The following KIF21B variants were observed in gnomAD, a reference collection of about 807,000 sequenced individuals.
KIF21B encodes the protein kinesin family member 21B.
In KIF21B, 85 loss-of-function variants were observed where a neutral mutation model predicts 192.9. The ratio of observed to expected loss-of-function variants is 0.44; its 90% CI spans 0.37 to 0.53. KIF21B has a LOEUF of 0.53. KIF21B is among the 20% of genes least tolerant of loss of function. The pLI is 0.00. For missense variants in KIF21B, 1,716 were observed against 2,194.8 expected, an observed-to-expected ratio of 0.78 and a Z score of 4.36; for synonymous variants, 832 against 884.6, an observed-to-expected ratio of 0.94 and a Z score of 1.05.
At position 200,996,292 on chromosome 1, in the gene KIF21B, G is replaced by T; in HGVS notation, c.2181C>A (p.Ala727=). ...MNRDLQKLQA[A]QKEHARLLKN... ...TAAGCAGCCGGGCGTGCTCTTTCTG[G>T]GCGGCCTGCAGCTTCTGCAGGTCCC... The change falls in exon 15 of 35, where the codon GCC becomes GCA. Residue 727 remains alanine, a synonymous_variant. Transcript: ENST00000461742. The T allele has an allele frequency of 6.2e-7, 1 of 1,614,042 alleles. No individual in the cohort carries two copies. Among genetic ancestry groups the T allele is most frequent in the South Asian group, 1.1e-5 (1 of 91,064 alleles).
In KIF21B at chr1:201,000,533, G is replaced by A. The variant is rs1383037617; in HGVS notation, c.1542C>T (p.Pro514=). The change falls in exon 11 of 35, where the codon CCC becomes CCT. Residue 514 remains proline, a synonymous_variant. Coordinates refer to ENST00000461742, the MANE Select transcript of KIF21B (RefSeq NM_001252102.2). This position sits in a 1 kb window ranked among gnomAD's most constrained non-coding sequence, Gnocchi z 6.0. The stretch of plus-strand genomic sequence containing the variant: ...CGGCTGGAGAAGCACCCAGGGAGTA[G>A]GGGCTCCTAGCCGAGGCCCGTGAGA... ...RSLSRASARS[P]YSLGASPAAP... 2 of 1,612,798 alleles carry A rather than the reference G, an allele frequency of 1.2e-6. No homozygotes were observed. The highest frequency in any genetic ancestry group is 2.2e-5 in the South Asian group (2 of 91,070).
Position 201,023,428 on chromosome 1 carries a change from C to T in KIF21B, c.-45G>A. 1.5e-6 allele frequency: 2 copies of T among 1,370,806 alleles called. No individual in the cohort carries two copies. The highest frequency in any genetic ancestry group is 1.9e-6 in the Non-Finnish European group (2 of 1,049,316). 84.9% of individuals were successfully genotyped at this position (1,370,806 alleles called of 1,614,324 possible). ...CTGGGCGTGGATCAGAGGCGGGGGT[C>T]TGGGGGCCAATGCCCGAGGCAGCGG... On this transcript the variant is annotated 5_prime_UTR_variant, in exon 1 of 35. Transcript: ENST00000461742. The surrounding 1 kb of genome is among the most constrained non-coding windows in gnomAD (Gnocchi z 5.9).
chr1:200,991,099 C>A lies in KIF21B; in HGVS notation c.2505G>T (p.Gly835=), dbSNP rs749810191. 1 of 1,613,940 alleles carries A rather than the reference C, an allele frequency of 6.2e-7. No homozygotes were observed. The highest frequency in any genetic ancestry group is 8.5e-7 in the Non-Finnish European group (1 of 1,179,996). The change falls in exon 18 of 35, where the codon GGG becomes GGT. Residue 835 remains glycine (G), a synonymous_variant. Transcript: ENST00000461742. ...LAKPMSERVA[G]RAGLKPPMLD... ...GCATGGGTGGCTTTAGTCCTGCACGCCCTGCCACCCGCTCAGACATGGGCT... is the reference window on the plus strand; with the variant it reads ...GCATGGGTGGCTTTAGTCCTGCACGACCTGCCACCCGCTCAGACATGGGCT...
In KIF21B at chr1:201,010,541, C is replaced by T. The variant is rs529826420; in HGVS notation, c.42-1053G>A. Among the ~76,000 whole-genome samples, 191 of 152,282 alleles carry T rather than the reference C, an allele frequency of 1.3e-3. 2 individuals carry two copies. Among genetic ancestry groups the T allele is most frequent in the Non-Finnish European group, 2.1e-3 (141 of 68,020 alleles). On this transcript the variant is annotated intron_variant, in intron 1 of 34. Transcript: ENST00000461742. ...ACAGGGATTGGCGGAAAGCACCACC[C>T]CCACCCCAACTCCCTAAAGTAAAAG... is the stretch of plus-strand genomic sequence containing the variant.
In KIF21B at chr1:200,973,560, G is replaced by C; in HGVS notation, c.4833C>G (p.Phe1611Leu). The C allele has an allele frequency of 1.3e-6, 2 of 1,515,570 alleles. No homozygotes were observed. Among genetic ancestry groups the C allele is most frequent in the Non-Finnish European group, 1.8e-6 (2 of 1,140,672 alleles). 93.9% of individuals were successfully genotyped at this position (1,515,570 alleles called of 1,614,324 possible). A position where few individuals can be genotyped will look rare whatever the true frequency, so the allele number is the denominator to read the frequency against. The change falls in exon 35 of 35, where the codon TTC (phenylalanine) becomes TTG (leucine). Residue 1611 changes from phenylalanine (F) to leucine (L), a missense_variant. By Grantham distance (22) the Phe-to-Leu change is conservative (BLOSUM62 0). Transcript: ENST00000461742. ...TGTGGGGTAACCGCCGGACACTCCAGAACTTCACCGTCAGGTCACTGGGGT... is the reference window on the plus strand; with the variant it reads ...TGTGGGGTAACCGCCGGACACTCCACAACTTCACCGTCAGGTCACTGGGGT... ...FTASSDLTVK[F>L]WSVRRLPHSG...
intron 30 of KIF21B, among the ~76,000 whole-genome samples, chr1:200,978,277 G>A (rs1234398689): frequency 2.0e-5 from 3 of 151,970 alleles, no homozygotes; most frequent in Admixed American, 6.6e-5. Flanking sequence ...TTGAACTACC[G>A]ACCTCAGGTG....
At chr1:201,021,204 G>GC (rs1396641425) in intron 1 of KIF21B, among the ~76,000 whole-genome samples, 2 of 152,206 alleles carry the variant, frequency 1.3e-5, no homozygotes, top group African/African-American at 4.8e-5. Context: ...CTCCTTCCCA[G>GC]CCCAGCCCAG....
chr1:200,991,123 C>T lies in KIF21B; in HGVS notation c.2481G>A (p.Lys827=), dbSNP rs1656667412. 5 of 1,613,610 alleles carry T rather than the reference C, an allele frequency of 3.1e-6. No homozygotes were observed. The highest frequency in any genetic ancestry group is 3.4e-6 in the Non-Finnish European group (4 of 1,179,888). The change falls in exon 18 of 35, where the codon AAG becomes AAA. Residue 827 remains lysine (K), a synonymous_variant. Coordinates refer to ENST00000461742, the MANE Select transcript of KIF21B (RefSeq NM_001252102.2). The stretch of plus-strand genomic sequence containing the variant: ...GCCCTGCCACCCGCTCAGACATGGG[C>T]TTGGCCAGGCGCCTCAGTGCAGAAA... ...QEVSALRRLA[K]PMSERVAGRA... is the part of the protein sequence containing the mutation.
rs1488620220 is a variant in KIF21B, at chr1:201,004,420, G to A, written c.936C>T (p.Asp312=). 5 of 1,580,312 alleles carry A rather than the reference G, an allele frequency of 3.2e-6. No homozygotes were observed. The highest frequency in any genetic ancestry group is 2.7e-5 in the African/African-American group (2 of 74,540). ...GAACGTGCACCACCTTCTTGCTCTGGTCCCCTAAGGCGCTGATCACATTGC... is the reference window on the plus strand; with the variant it reads ...GAACGTGCACCACCTTCTTGCTCTGATCCCCTAAGGCGCTGATCACATTGC... The part of the protein sequence containing the change: ...ALGNVISALG[D]QSKKVVHVPY... The change falls in exon 7 of 35, where the codon GAC becomes GAT. Residue 312 remains aspartate (D), a synonymous_variant. Transcript: ENST00000461742.
chr1:200,979,868 T>C (rs1655807095), intron 29 of KIF21B, among the ~76,000 whole-genome samples, 153 bp from the exon 30 acceptor site: 2 of 152,236 alleles, frequency 1.3e-5, no homozygotes, highest in East Asian at 1.9e-4. Flanking sequence ...AAAAAACACA[T>C]ACACATGTGC....
chr1:200,973,814 G>C, intron 34 of KIF21B: 1 of 1,425,154 alleles, frequency 7.0e-7, no homozygotes, highest in Non-Finnish European at 9.1e-7. Flanking sequence ...TTCTTTTTTT[G>C]GGGGGGTGTT....
intron 9 of KIF21B, 133 bp downstream of exon 9, chr1:201,002,028 A>G: frequency 1.4e-6 from 1 of 736,624 alleles, no homozygotes; most frequent in East Asian, 2.7e-5. Flanking sequence ...AATCAAGTGA[A>G]AAAAAATGCA....
At chr1:201,014,496 A>C (rs1658396915) in intron 1 of KIF21B, among the ~76,000 whole-genome samples, 2 of 152,234 alleles carry the variant, frequency 1.3e-5, no homozygotes, top group Admixed American at 1.3e-4. Flanking sequence ...AGAAAACTGC[A>C]AAGGGTACCG....
At chr1:201,009,539 C>T in intron 1 of KIF21B, 51 bp from the exon 2 acceptor site, 5 of 1,510,950 alleles carry the variant, frequency 3.3e-6, no homozygotes, top group East Asian at 2.3e-5. Context: ...AAGGGGGCTG[C>T]CACAGGCCCC....
chr1:200,987,562 A>G (rs1250382789), intron 24 of KIF21B, among the ~76,000 whole-genome samples: 1 of 152,218 alleles, frequency 6.6e-6, no homozygotes, highest in Admixed American at 6.5e-5. Flanking sequence ...AATTCTAACA[A>G]GAGAAATGAT....
chr1:201,012,631 C>CTACGTATGTATG (rs1658300877), intron 1 of KIF21B, among the ~76,000 whole-genome samples: 1 of 150,362 alleles, frequency 6.7e-6, no homozygotes, highest in African/African-American at 2.5e-5. Flanking sequence ...TCAGAAAACT[C>CTACGTATGTATG]TATGTATGTA....
intron 34 of KIF21B, chr1:200,973,806 CT>C (rs199846406): frequency 2.8e-6 from 4 of 1,432,316 alleles, no homozygotes; most frequent in East Asian, 2.6e-5. Context: ...CATGGGTTTT[CT>C]TTTTTTGGGG....
At chr1:200,984,737 G>A (rs537100374) in intron 27 of KIF21B, 122 bp downstream of exon 27, 5 of 613,748 alleles carry the variant, frequency 8.1e-6, no homozygotes, top group Admixed American at 3.9e-5. Context: ...AGCTCTTGGA[G>A]GGGCTGGAAC....
rs1558016844 is a variant in KIF21B, at chr1:201,000,491, G to T, written c.1584C>A (p.Gly528=). ...GASPAAPAFG[G]SPASSMEDAS... is the part of the protein sequence containing the mutation. ...CATCCTCCATGGAGCTGGCAGGGCT[G>T]CCCCCGAAGGCCGGGGCGGCTGGAG... is the stretch of plus-strand genomic sequence containing the variant. Residue 528 remains glycine (G), a synonymous_variant, in exon 11 of 35, where the codon GGC becomes GGA. Transcript: ENST00000461742. This position sits in a 1 kb window ranked among gnomAD's most constrained non-coding sequence, Gnocchi z 6.0. The T allele has an allele frequency of 6.2e-7, 1 of 1,608,046 alleles. No individual in the cohort carries two copies. Among genetic ancestry groups the T allele is most frequent in the South Asian group, 1.1e-5 (1 of 90,800 alleles).
Sources: gnomAD v4.1 joint callset for allele counts (sites outside exome capture counted in the v4.1 genomes callset) on GRCh38, gnomAD v4.1.1 for gene constraint, Gnocchi (gnomAD v3.1) non-coding constraint, MANE v1.5 for transcripts, NCBI Gene and HGNC (gene_info 2026-07-23, HGNC 2026-07-21) for gene names.